The following METTL15 variants were observed in gnomAD, a reference collection of about 807,000 sequenced individuals.
METTL15 encodes the protein 12S rRNA N(4)-cytidine methyltransferase METTL15.
METTL15 carries 34 observed loss-of-function variants against 38.3 expected under a neutral mutation model. That is an observed-to-expected ratio of 0.89 (90% CI 0.68 to 1.18). The LOEUF is 1.18. Ranked by LOEUF, METTL15 falls within the 50% of genes most tolerant of loss-of-function variation. The pLI, the probability that METTL15 is intolerant of heterozygous loss-of-function variation, is 0.00. For synonymous variants in METTL15, 162 were observed against 170.9 expected (o/e 0.95, Z 0.41); for missense variants, 438 against 498.4 (o/e 0.88, Z 1.15).
intron 3 of METTL15, among the ~76,000 whole-genome samples, chr11:28,343,664 C>T (rs1398737007): frequency 6.6e-6 from 1 of 152,152 alleles, no homozygotes; most frequent in East Asian, 1.9e-4. Flanking sequence ...TTTATTTAGC[C>T]TTCCAAATAA....
At chr11:28,416,003 A>T (rs1354877544) in intron 5 of METTL15, among the ~76,000 whole-genome samples, 1 of 152,198 alleles carries the variant, frequency 6.6e-6, no homozygotes, top group Non-Finnish European at 1.5e-5. Context: ...GTTAAATCTA[A>T]TCTTCAAATC....
chr11:28,154,973 A>G (rs1487015599), intron 3 of METTL15, among the ~76,000 whole-genome samples: 1 of 152,174 alleles, frequency 6.6e-6, no homozygotes, highest in Non-Finnish European at 1.5e-5. Context: ...TGGAAGGAAG[A>G]GCCATTAAGA....
At chr11:28,130,652 G>C (rs926568764) in intron 3 of METTL15, among the ~76,000 whole-genome samples, 1 of 152,126 alleles carries the variant, frequency 6.6e-6, no homozygotes, top group Non-Finnish European at 1.5e-5. Flanking sequence ...TATTGTCAAA[G>C]TATGAGACAT....
In METTL15 at chr11:28,239,607, C is replaced by G. The variant is rs536086948; in HGVS notation, c.407+28409C>G. On this transcript the variant is annotated intron_variant, in intron 4 of 6. Transcript: ENST00000407364. ...CAAATTAGATCATGTTTTTCCTCTG[C>G]TATGTTGACCCCTGTTTTTTTACTC... 1.9e-4 allele frequency among the ~76,000 whole-genome samples: 29 copies of G among 152,252 alleles called. 2 individuals are homozygous for G. The South Asian group carries it at 5.8e-3, about 30-fold the overall frequency.
chr11:28,496,687 C>G (rs4244536), intron 6 of METTL15, among the ~76,000 whole-genome samples: 145,637 of 152,256 alleles, frequency 0.96, 69,976 homozygotes, highest in East Asian at 1. Context: ...CAGCACTAAA[C>G]GAAACCCAAT....
intron 4 of METTL15, among the ~76,000 whole-genome samples, chr11:28,270,477 T>G (rs1251272233): frequency 6.6e-6 from 1 of 152,162 alleles, no homozygotes; most frequent in Admixed American, 6.5e-5. Flanking sequence ...GAGTTCCAAC[T>G]CTAAAAGTAG....
intron 4 of METTL15, among the ~76,000 whole-genome samples, chr11:28,227,363 G>T (rs1185971671): frequency 6.6e-6 from 1 of 151,800 alleles, no homozygotes; most frequent in Non-Finnish European, 1.5e-5. Context: ...AGTAGCGTAT[G>T]ATCTCAGGAA....
At chr11:28,223,532 C>T (rs910156874) in intron 4 of METTL15, among the ~76,000 whole-genome samples, 2 of 152,068 alleles carry the variant, frequency 1.3e-5, no homozygotes, top group Non-Finnish European at 2.9e-5. Flanking sequence ...AACAGTTTGT[C>T]ATTTTAGAGT....
Position 28,292,611 on chromosome 11 carries a change from C to G in METTL15, c.599+2214C>G, listed in dbSNP as rs566727989. On this transcript the variant is annotated intron_variant, in intron 5 of 6. Transcript: ENST00000407364. ...GCTGGGTCAAATGGTATTTGTAGTT[C>G]TAGATGCCTGAGGAATCGCCACACT... is the stretch of plus-strand genomic sequence containing the variant. Among the ~76,000 whole-genome samples the G allele has an allele frequency of 1.4e-4, 21 of 152,198 alleles. No individual in the cohort carries two copies. The East Asian group carries it at 4.1e-3, about 29-fold the overall frequency.
intron 4 of METTL15, among the ~76,000 whole-genome samples, chr11:28,246,922 G>C (rs1432664975): frequency 6.6e-6 from 1 of 152,008 alleles, no homozygotes; most frequent in Non-Finnish European, 1.5e-5. Flanking sequence ...AACAATACTT[G>C]ATTTAGTTAT....
At chr11:28,489,442 T>C (rs1485035811) in intron 6 of METTL15, among the ~76,000 whole-genome samples, 1 of 152,190 alleles carries the variant, frequency 6.6e-6, no homozygotes. Context: ...CGACAGGACA[T>C]GTCAACCAAA....
chr11:28,236,154 A>G (rs1853957165), intron 4 of METTL15, among the ~76,000 whole-genome samples: 1 of 152,140 alleles, frequency 6.6e-6, no homozygotes, highest in South Asian at 2.1e-4. Context: ...CCAGGGATGA[A>G]GCCCACTTGA....
chr11:28,122,064 A>G, intron 3 of METTL15: 1 of 849,196 alleles, frequency 1.2e-6, no homozygotes, highest in Non-Finnish European at 1.5e-6. Context: ...AATAAAAGTT[A>G]TAGTTTATTA....
chr11:28,137,767 C>G (rs1849561182), intron 3 of METTL15, among the ~76,000 whole-genome samples: 1 of 151,760 alleles, frequency 6.6e-6, no homozygotes, highest in African/African-American at 2.4e-5. Context: ...GTCACTTGAA[C>G]TAACAGGCAT....
intron 6 of METTL15, among the ~76,000 whole-genome samples, chr11:28,298,736 G>A (rs780496862): frequency 1.3e-5 from 2 of 151,980 alleles, no homozygotes; most frequent in Non-Finnish European, 2.9e-5. Context: ...TTTAGTAAAT[G>A]CCATTGAAAC....
chr11:28,354,945 A>G (rs369788356), intron 4 of METTL15, among the ~76,000 whole-genome samples: 8 of 152,282 alleles, frequency 5.3e-5, no homozygotes, highest in East Asian at 3.9e-4. Flanking sequence ...AAAATCATCA[A>G]TACAGAGGTG....
chr11:28,111,983 A>G (rs576312437), intron 2 of METTL15, among the ~76,000 whole-genome samples: 4 of 152,242 alleles, frequency 2.6e-5, no homozygotes, highest in East Asian at 1.9e-4. Flanking sequence ...CATTTTTTCA[A>G]TGTCACATTT....
intron 3 of METTL15, among the ~76,000 whole-genome samples, chr11:28,175,245 G>A (rs1170784674): frequency 6.6e-6 from 1 of 151,078 alleles, no homozygotes; most frequent in African/African-American, 2.5e-5. Flanking sequence ...ATGGTTTCCA[G>A]CTTCATCCAT....
chr11:28,390,772 A>T (rs1850497177), intron 5 of METTL15, among the ~76,000 whole-genome samples: 1 of 152,134 alleles, frequency 6.6e-6, no homozygotes, highest in Admixed American at 6.6e-5. Flanking sequence ...GAAGAAAGGC[A>T]TTGGTAGCTT....
Sources: allele counts gnomAD v4.1 joint callset (sites outside exome capture counted in the v4.1 genomes callset), GRCh38; gene constraint gnomAD v4.1.1; transcripts MANE v1.5; gene names NCBI Gene and HGNC (gene_info 2026-07-23, HGNC 2026-07-21).